ALCAM: variants seen among roughly 807,000 people sequenced by gnomAD.
ALCAM encodes the protein CD166 antigen.
ALCAM carries 30 observed loss-of-function variants against 70.9 expected under a neutral mutation model. That is an observed-to-expected ratio of 0.42 (90% CI 0.32 to 0.57). ALCAM has a LOEUF of 0.57. Among genes scored for constraint, ALCAM ranks in the 20% least tolerant of loss-of-function variants. The probability of loss-of-function intolerance (pLI) is 0.11; values close to 1 mark genes in which losing one functional copy is unlikely to be tolerated. For missense variants in ALCAM, 591 were observed against 695.1 expected (o/e 0.85, Z 1.68); for synonymous variants, 249 against 242.5 (o/e 1.03, Z -0.25).
chr3:105,476,771 A>G (rs1395408175), intron 1 of ALCAM, among the ~76,000 whole-genome samples: 2 of 151,950 alleles, frequency 1.3e-5, no homozygotes, highest in Non-Finnish European at 1.5e-5. Flanking sequence ...GACATATACA[A>G]TTTCTTCCCA....
chr3:105,427,924 C>G (rs1278071585), intron 1 of ALCAM, among the ~76,000 whole-genome samples: 1 of 151,610 alleles, frequency 6.6e-6, no homozygotes, highest in Admixed American at 6.6e-5. Context: ...TGGAGAAAAC[C>G]TATTATACTT....
chr3:105,564,555 T>G (rs1355247738), intron 14 of ALCAM, among the ~76,000 whole-genome samples: 1 of 152,210 alleles, frequency 6.6e-6, no homozygotes, highest in Non-Finnish European at 1.5e-5. Flanking sequence ...AAATTCTGAG[T>G]TTTCATTTTT....
intron 1 of ALCAM, among the ~76,000 whole-genome samples, chr3:105,378,225 T>G (rs1277564249): frequency 6.6e-6 from 1 of 151,708 alleles, no homozygotes; most frequent in African/African-American, 2.4e-5. Flanking sequence ...AATAGCAGGA[T>G]ATATATATAT....
At chr3:105,560,682 T>A (rs1940612632) in intron 14 of ALCAM, among the ~76,000 whole-genome samples, 1 of 152,152 alleles carries the variant, frequency 6.6e-6, no homozygotes, top group Non-Finnish European at 1.5e-5. Context: ...AAGGGTATGA[T>A]CTATCTAAAA....
intron 1 of ALCAM, among the ~76,000 whole-genome samples, chr3:105,514,828 G>A (rs111390625): frequency 0.016 from 2,476 of 151,974 alleles, 33 homozygotes; most frequent in African/African-American, 0.033. Context: ...CTTGAGAAAG[G>A]CAATGCAGAA....
At chr3:105,495,601 T>C (rs1259535267) in intron 1 of ALCAM, among the ~76,000 whole-genome samples, 1 of 152,226 alleles carries the variant, frequency 6.6e-6, no homozygotes, top group Non-Finnish European at 1.5e-5. Context: ...TAAGAACTTA[T>C]TTTTATATGA....
chr3:105,512,068 A>G (rs1328262515), intron 1 of ALCAM, among the ~76,000 whole-genome samples: 3 of 152,024 alleles, frequency 2.0e-5, no homozygotes, highest in African/African-American at 7.2e-5. Context: ...TTATTGGCTA[A>G]AAGTCTTTGT....
chr3:105,513,726 G>A (rs1426829276), intron 1 of ALCAM, among the ~76,000 whole-genome samples: 1 of 151,808 alleles, frequency 6.6e-6, no homozygotes, highest in Non-Finnish European at 1.5e-5. Flanking sequence ...TAAGATTTTT[G>A]CTTATAATTT....
chr3:105,367,113 C>G lies in ALCAM; in HGVS notation c.-296C>G. 1 of 401,568 alleles carries G rather than the reference C, an allele frequency of 2.5e-6. No homozygotes were observed. The allele number at this position is 401,568 out of a possible 1,614,324, so 24.9% of individuals were successfully genotyped here. ...GCGAAAAGAACCGCTTACACCTTTC[C>G]GAATTACTCAAGTGTCTCCTGGAAA... is the stretch of plus-strand genomic sequence containing the variant. On this transcript the variant is annotated 5_prime_UTR_variant, in exon 1 of 16. Coordinates refer to ENST00000306107, the MANE Select transcript of ALCAM (RefSeq NM_001627.4).
In ALCAM at chr3:105,540,058, G is replaced by C. The variant is rs1273857586; in HGVS notation, c.814G>C (p.Gly272Arg). 1 of 1,612,474 alleles carries C rather than the reference G, an allele frequency of 6.2e-7. No homozygotes were observed. The highest frequency in any genetic ancestry group is 1.7e-5 in the Admixed American group (1 of 59,924). ...EGDNITLKCL[G>R]NGNPPPEEFL... The stretch of plus-strand genomic sequence containing the variant: ...GGATAACATCACTCTTAAATGCTTA[G>C]GGAATGGCAACCCTCCCCCAGAGGA... Residue 272 changes from glycine (G) to arginine (R), a missense_variant, in exon 7 of 16, where the codon GGG (glycine) becomes CGG (arginine). This residue lies in a region of ALCAM where 427 missense variants were observed against 450.4 expected (regional missense o/e 0.95). Coordinates refer to ENST00000306107, the MANE Select transcript of ALCAM (RefSeq NM_001627.4).
chr3:105,404,662 A>G lies in ALCAM; in HGVS notation c.73+37181A>G, dbSNP rs1231969868. Among the ~76,000 whole-genome samples the G allele has an allele frequency of 2.3e-5, 3 of 130,478 alleles. No homozygotes were observed. In the Admixed American group the frequency reaches 2.6e-4, roughly 11 times the overall value. The allele number at this position is 130,478 out of a possible 152,430, so 85.6% of individuals were successfully genotyped here. On this transcript the variant is annotated intron_variant, in intron 1 of 15. Transcript: ENST00000306107. The stretch of plus-strand genomic sequence containing the variant: ...GCATAAATCTCACAGGACCTATATA[A>G]CAATAACACAATGAAAAAAAAAACA...
At chr3:105,565,122 G>C (rs1306917872) in intron 14 of ALCAM, among the ~76,000 whole-genome samples, 1 of 152,186 alleles carries the variant, frequency 6.6e-6, no homozygotes, top group Non-Finnish European at 1.5e-5. Context: ...CTGAACTCCA[G>C]CCTGGGCAAC....
At chr3:105,463,248 C>T (rs1937628638) in intron 1 of ALCAM, among the ~76,000 whole-genome samples, 1 of 151,456 alleles carries the variant, frequency 6.6e-6, no homozygotes, top group South Asian at 2.1e-4. Flanking sequence ...CCTATTTCTA[C>T]TGCATCAGCA....
chr3:105,485,629 G>T (rs889542761), intron 1 of ALCAM, among the ~76,000 whole-genome samples: 2 of 151,718 alleles, frequency 1.3e-5, no homozygotes, highest in African/African-American at 4.8e-5. Context: ...ATTATCATCT[G>T]TGTTATTGTA....
chr3:105,442,349 A>C (rs1937190653), intron 1 of ALCAM, among the ~76,000 whole-genome samples: 1 of 152,224 alleles, frequency 6.6e-6, no homozygotes, highest in African/African-American at 2.4e-5. Context: ...TAGCCAAGTA[A>C]ATTTTTATAC....
At chr3:105,522,868 G>A (rs1204092169) in intron 2 of ALCAM, among the ~76,000 whole-genome samples, 1 of 152,046 alleles carries the variant, frequency 6.6e-6, no homozygotes, top group African/African-American at 2.4e-5. Flanking sequence ...GGCCGGGCAC[G>A]GTGGCTCACG....
chr3:105,481,879 A>C (rs1318473087), intron 1 of ALCAM, among the ~76,000 whole-genome samples: 1 of 152,192 alleles, frequency 6.6e-6, no homozygotes, highest in Non-Finnish European at 1.5e-5. Flanking sequence ...AATTCATTAA[A>C]GATAAATAGT....
chr3:105,557,990 G>A (rs1385742014), intron 14 of ALCAM, among the ~76,000 whole-genome samples: 2 of 152,036 alleles, frequency 1.3e-5, no homozygotes, highest in Non-Finnish European at 2.9e-5. Flanking sequence ...TCTCAGTGGG[G>A]ATTAGTGTCC....
intron 8 of ALCAM, 58 bp downstream of exon 8, chr3:105,541,823 G>A: frequency 1.3e-6 from 2 of 1,577,250 alleles, no homozygotes. Flanking sequence ...ATAGCTTAAT[G>A]TAGCTATCTT....
Sources: gnomAD v4.1 joint callset for allele counts (sites outside exome capture counted in the v4.1 genomes callset) on GRCh38, gnomAD v4.1.1 for gene constraint, gnomAD v4.1.1 regional missense constraint, MANE v1.5 for transcripts, NCBI Gene and HGNC (gene_info 2026-07-23, HGNC 2026-07-21) for gene names.